CRIM1: variants seen among roughly 807,000 people sequenced by gnomAD.
CRIM1 encodes the protein cysteine rich transmembrane BMP regulator 1.
A neutral mutation model predicts 116.4 loss-of-function variants in CRIM1; 32 were observed. The ratio of observed to expected loss-of-function variants is 0.27; its 90% CI spans 0.21 to 0.37. CRIM1 has a LOEUF of 0.37. Ranked by LOEUF, CRIM1 falls within the 10% of genes least tolerant of loss-of-function variation. CRIM1 has a pLI of 1.00. For synonymous variants in CRIM1, 590 were observed against 509.2 expected, an observed-to-expected ratio of 1.16 and a Z score of -2.13; for missense variants, 1,331 against 1,354.8, an observed-to-expected ratio of 0.98 and a Z score of 0.28.
intron 2 of CRIM1, among the ~76,000 whole-genome samples, chr2:36,401,028 G>T (rs757387716): frequency 3.9e-5 from 6 of 152,090 alleles, no homozygotes; most frequent in Non-Finnish European, 5.9e-5. Context: ...GAGAAAACAT[G>T]GGTCTCCATT....
intron 2 of CRIM1, among the ~76,000 whole-genome samples, chr2:36,407,899 A>G (rs984269047): frequency 6.6e-6 from 1 of 152,156 alleles, no homozygotes; most frequent in Non-Finnish European, 1.5e-5. Context: ...ATAATGTTCT[A>G]TACCATTCAT....
At chr2:36,414,406 TATTC>T (rs1158359426) in intron 2 of CRIM1, among the ~76,000 whole-genome samples, 8 of 152,224 alleles carry the variant, frequency 5.3e-5, no homozygotes, top group Non-Finnish European at 1.0e-4. Flanking sequence ...CTTAATCTGT[TATTC>T]ATTCATTCAT....
chr2:36,503,542 C>T (rs367975698), intron 8 of CRIM1, among the ~76,000 whole-genome samples: 23 of 152,244 alleles, frequency 1.5e-4, no homozygotes, highest in African/African-American at 5.1e-4. Context: ...TCCCCGCCCC[C>T]CTTTGTTCCC....
At chr2:36,546,485 A>G (rs945103880) in intron 15 of CRIM1, among the ~76,000 whole-genome samples, 1 of 152,176 alleles carries the variant, frequency 6.6e-6, no homozygotes, top group Non-Finnish European at 1.5e-5. Flanking sequence ...ATCAACCAAA[A>G]GACCAACTTC....
intron 2 of CRIM1, among the ~76,000 whole-genome samples, chr2:36,408,700 C>T (rs942258083): frequency 2.6e-5 from 4 of 152,000 alleles, no homozygotes; most frequent in Admixed American, 6.5e-5. Context: ...ATTAAAACCT[C>T]GTTAGTTAGT....
chr2:36,520,892 C>G (rs796426918), intron 12 of CRIM1, among the ~76,000 whole-genome samples: 1 of 152,182 alleles, frequency 6.6e-6, no homozygotes, highest in South Asian at 2.1e-4. Context: ...AATAACAGAG[C>G]TCATGAAGTT....
chr2:36,418,849 C>G (rs1016560095), intron 2 of CRIM1, among the ~76,000 whole-genome samples: 1 of 152,230 alleles, frequency 6.6e-6, no homozygotes, highest in African/African-American at 2.4e-5. Flanking sequence ...GTCATTTAAC[C>G]CCTAGGCACC....
chr2:36,435,634 T>TGAA (rs1177633510), intron 2 of CRIM1, among the ~76,000 whole-genome samples: 1 of 151,830 alleles, frequency 6.6e-6, no homozygotes, highest in Non-Finnish European at 1.5e-5. Flanking sequence ...TTTTTGTCAT[T>TGAA]ACTTTCAATG....
At chr2:36,523,895 C>T (rs1380592640) in intron 13 of CRIM1, among the ~76,000 whole-genome samples, 1 of 152,138 alleles carries the variant, frequency 6.6e-6, no homozygotes, top group East Asian at 1.9e-4. Flanking sequence ...GTCTTTTACT[C>T]TGCGTGTTGG....
At chr2:36,540,831 C>T (rs1346883857) in intron 14 of CRIM1, among the ~76,000 whole-genome samples, 2 of 152,108 alleles carry the variant, frequency 1.3e-5, no homozygotes, top group Non-Finnish European at 2.9e-5. Flanking sequence ...GACCCAAATT[C>T]AGGTAGTGGT....
intron 13 of CRIM1, among the ~76,000 whole-genome samples, chr2:36,525,403 T>C (rs1481200907): frequency 6.6e-6 from 1 of 152,190 alleles, no homozygotes; most frequent in Non-Finnish European, 1.5e-5. Flanking sequence ...TTGGTCCCTA[T>C]ATAAGGGTGC....
chr2:36,513,414 T>C (rs1011427280), intron 10 of CRIM1, 142 bp from the exon 11 acceptor site: 2 of 653,106 alleles, frequency 3.1e-6, no homozygotes, highest in Non-Finnish European at 5.5e-6. Flanking sequence ...TAAATTCTTT[T>C]CATGAACATG....
chr2:36,381,590 A>G (rs1178871587), intron 1 of CRIM1, among the ~76,000 whole-genome samples: 1 of 152,244 alleles, frequency 6.6e-6, no homozygotes, highest in Admixed American at 6.5e-5. Flanking sequence ...TTCTCACTTT[A>G]GAAACCAAGT....
chr2:36,461,025 C>A (rs1338966054), intron 4 of CRIM1, among the ~76,000 whole-genome samples: 1 of 152,104 alleles, frequency 6.6e-6, no homozygotes, highest in African/African-American at 2.4e-5. Context: ...AAGGGAAATA[C>A]TGGGAAACAG....
At chr2:36,503,003 A>C (rs2125092614) in intron 8 of CRIM1, among the ~76,000 whole-genome samples, 1 of 152,236 alleles carries the variant, frequency 6.6e-6, no homozygotes, top group South Asian at 2.1e-4. Context: ...TTCAACACTG[A>C]TTGGAATTTT....
In CRIM1 at chr2:36,550,028, T is replaced by C. The variant is rs1386940192; in HGVS notation, c.*1327T>C. 6.7e-6 allele frequency: 1 copy of C among 149,916 alleles called. No homozygotes were observed. Among genetic ancestry groups the C allele is most frequent in the African/African-American group, 2.5e-5 (1 of 39,816 alleles). 9.3% of individuals were successfully genotyped at this position (149,916 alleles called of 1,614,324 possible). A position where few individuals can be genotyped will look rare whatever the true frequency, so the allele number is the denominator to read the frequency against. On this transcript the variant is annotated 3_prime_UTR_variant, in exon 17 of 17. Coordinates refer to ENST00000280527, the MANE Select transcript of CRIM1 (RefSeq NM_016441.3). ...TGCAGTTTAATTGGAAAGATGTGTGTGTGAGAGTATGTATGTGTGTGTGTG... is the reference window on the plus strand; with the variant it reads ...TGCAGTTTAATTGGAAAGATGTGTGCGTGAGAGTATGTATGTGTGTGTGTG...
intron 1 of CRIM1, among the ~76,000 whole-genome samples, chr2:36,393,311 T>G (rs1671762160): frequency 6.6e-6 from 1 of 152,090 alleles, no homozygotes; most frequent in Non-Finnish European, 1.5e-5. Context: ...AAAATAGGAT[T>G]TGTATTGTTT....
At chr2:36,474,341 T>G (rs182708688) in intron 5 of CRIM1, among the ~76,000 whole-genome samples, 18 of 152,286 alleles carry the variant, frequency 1.2e-4, no homozygotes, top group Admixed American at 4.6e-4. Flanking sequence ...GTTTATCTGT[T>G]TTGTTCCTTT....
rs3770843 is a variant in CRIM1 at position 36,484,817 on chromosome 2, A to G, written c.1372+5123A>G. The stretch of plus-strand genomic sequence containing the variant: ...GGAACAACTTAGGTAATATTTTAAA[A>G]GGTAGCATTCAGAATTATACTCAGG... On this transcript the variant is annotated intron_variant, in intron 7 of 16. Transcript: ENST00000280527. Among the ~76,000 whole-genome samples the G allele has an allele frequency of 1.9e-4, 29 of 152,342 alleles. 1 individual carries two copies. In the East Asian group the frequency reaches 5.4e-3, roughly 28 times the overall value.
Sources: gnomAD v4.1 joint callset for allele counts (sites outside exome capture counted in the v4.1 genomes callset) on GRCh38, gnomAD v4.1.1 for gene constraint, MANE v1.5 for transcripts, NCBI Gene and HGNC (gene_info 2026-07-23, HGNC 2026-07-21) for gene names.